Variants in NUP214 observed in about 807,000 individuals in gnomAD.
The protein encoded by NUP214 is nucleoporin 214, also known as nuclear pore complex protein Nup214.
In NUP214, 79 loss-of-function variants were observed where a neutral mutation model predicts 196.2. The observed-to-expected ratio is 0.40, with a 90% confidence interval of 0.34 to 0.49. The LOEUF (loss-of-function observed/expected upper bound fraction) is 0.49. Ranked by LOEUF, NUP214 falls within the 20% of genes least tolerant of loss-of-function variation. The pLI is 0.58. For missense variants in NUP214, 2,468 were observed against 2,539.0 expected, an observed-to-expected ratio of 0.97 and a Z score of 0.60; for synonymous variants, 1,020 against 990.5, an observed-to-expected ratio of 1.03 and a Z score of -0.56.
At chr9:131,208,200 T>C (rs1214743919) in intron 30 of NUP214, among the ~76,000 whole-genome samples, 1 of 152,230 alleles carries the variant, frequency 6.6e-6, no homozygotes, top group African/African-American at 2.4e-5. Flanking sequence ...TTCTACCATA[T>C]GACCCAGCAA....
At position 131,146,262 on chromosome 9, in the gene NUP214, A is replaced by T. The variant is rs1388929280; in HGVS notation, c.1903A>T (p.Ser635Cys). 2 of 1,614,138 alleles carry T rather than the reference A, an allele frequency of 1.2e-6. No individual in the cohort carries two copies. Among genetic ancestry groups the T allele is most frequent in the Non-Finnish European group, 8.5e-7 (1 of 1,180,012 alleles). ...SHPTPLSAPP[S>C]SVPLKSSVLP... ...CCCCACACCTCTCTCAGCACCACCT[A>T]GTTCCGTGCCATTGAAGTCCTCAGT... The change falls in exon 13 of 36, where the codon AGT (serine) becomes TGT (cysteine). Residue 635 changes from serine (S) to cysteine (C), a missense_variant. Ser to Cys is a moderately radical substitution (Grantham distance 112, BLOSUM62 -1). Around this residue, in one of 5 missense-constraint regions of NUP214, gnomAD observed 1,801 missense variants for 1,779.4 expected, o/e 1.01. Transcript: ENST00000359428. This position sits in a 1 kb window ranked among gnomAD's most constrained non-coding sequence, Gnocchi z 4.6.
chr9:131,157,927 T>C (rs942508142), intron 17 of NUP214, among the ~76,000 whole-genome samples: 2 of 152,160 alleles, frequency 1.3e-5, no homozygotes, highest in African/African-American at 4.8e-5. Flanking sequence ...ATTACAGGCA[T>C]GAGCCACTGC....
At chr9:131,165,282 T>C (rs1236565068) in intron 21 of NUP214, 14 of 150,816 alleles carry the variant, frequency 9.3e-5, no homozygotes, top group Admixed American at 9.2e-4. Flanking sequence ...TAAAAAAAAT[T>C]AAAAAGTTAA....
At chr9:131,231,048 G>A (rs535539681) in intron 34 of NUP214, among the ~76,000 whole-genome samples, 1 of 152,260 alleles carries the variant, frequency 6.6e-6, no homozygotes, top group African/African-American at 2.4e-5. Context: ...TGTGGTCCCA[G>A]CTACTCGGGA....
chr9:131,215,105 C>G, intron 30 of NUP214, 107 bp from the exon 31 acceptor site: 1 of 1,050,748 alleles, frequency 9.5e-7, no homozygotes, highest in Non-Finnish European at 1.3e-6. Flanking sequence ...ACTAATCTTG[C>G]TTTTTCCATT....
chr9:131,189,005 G>T, intron 25 of NUP214, 48 bp from the exon 26 acceptor site: 1 of 1,250,370 alleles, frequency 8.0e-7, no homozygotes, highest in Non-Finnish European at 1.2e-6. Context: ...TTGTTACAAA[G>T]AATGGTTAGT....
chr9:131,211,144 A>G (rs1340789558), intron 30 of NUP214, among the ~76,000 whole-genome samples: 1 of 152,202 alleles, frequency 6.6e-6, no homozygotes, highest in Non-Finnish European at 1.5e-5. Context: ...GGCTGTGTTC[A>G]TGGAGCCTCC....
In NUP214 at chr9:131,198,712, G is replaced by A. The variant is rs776181686; in HGVS notation, c.5218G>A (p.Ala1740Thr). The part of the protein sequence containing the change: ...SVFGQSASSA[A>T]SVFSFSQPGF... ...CTTTGGGCAGTCGGCGAGCAGTGCT[G>A]CAAGTGTCTTTTCCTTCAGTCAGCC... The change falls in exon 29 of 36, where the codon GCA becomes ACA. Residue 1740 changes from alanine to threonine, a missense_variant. By Grantham distance (58) the Ala-to-Thr change is moderately conservative. Around this residue, in one of 5 missense-constraint regions of NUP214, gnomAD observed 1,801 missense variants for 1,779.4 expected, o/e 1.01. Transcript: ENST00000359428. 1.2e-6 allele frequency: 2 copies of A among 1,614,226 alleles called. No homozygotes were observed. The highest frequency in any genetic ancestry group is 1.7e-5 in the Admixed American group (1 of 60,026).
In NUP214 at chr9:131,228,278, G is replaced by A. The variant is rs896852189; in HGVS notation, c.6021G>A (p.Thr2007=). The change falls in exon 33 of 36, where the codon ACG becomes ACA. Residue 2007 remains threonine, a synonymous_variant. Coordinates refer to ENST00000359428, the MANE Select transcript of NUP214 (RefSeq NM_005085.4). ...APAFTSPLGS[T]GGKVFGEGTA... Reference sequence around the variant, plus strand: ...CCTTTACAAGCCCTCTGGGCTCGACGGGAGGCAAAGTGTTCGGAGAGGGCA... The same window carrying A: ...CCTTTACAAGCCCTCTGGGCTCGACAGGAGGCAAAGTGTTCGGAGAGGGCA... 1.9e-6 allele frequency: 3 copies of A among 1,605,242 alleles called. No homozygotes were observed. Among genetic ancestry groups the A allele is most frequent in the Admixed American group, 3.5e-5 (2 of 57,744 alleles).
chr9:131,233,205 G>C (rs900815490), intron 35 of NUP214, among the ~76,000 whole-genome samples: 4 of 151,984 alleles, frequency 2.6e-5, no homozygotes, highest in African/African-American at 9.7e-5. Flanking sequence ...CAGGCGTGGT[G>C]GTGCATGCCT....
At chr9:131,158,238 C>T (rs1369995594) in intron 17 of NUP214, among the ~76,000 whole-genome samples, 1 of 151,776 alleles carries the variant, frequency 6.6e-6, no homozygotes, top group Non-Finnish European at 1.5e-5. Context: ...ATCACCCTGC[C>T]CAGCTAATTT....
intron 30 of NUP214, among the ~76,000 whole-genome samples, chr9:131,206,655 C>T (rs1205781543): frequency 6.6e-6 from 1 of 152,066 alleles, no homozygotes; most frequent in African/African-American, 2.4e-5. Context: ...ATTGTCTAGG[C>T]TGGTCTGTAA....
intron 4 of NUP214, among the ~76,000 whole-genome samples, chr9:131,130,144 T>TTTTTTG: frequency 9.4e-6 from 1 of 106,804 alleles, no homozygotes; most frequent in East Asian, 2.8e-4. Context: ...TTTGTTTTTT[T>TTTTTTG]TTTTTTGTTT....
chr9:131,217,882 T>C (rs1834447454), intron 31 of NUP214, among the ~76,000 whole-genome samples: 2 of 152,198 alleles, frequency 1.3e-5, no homozygotes, highest in African/African-American at 2.4e-5. Flanking sequence ...CACGGACACA[T>C]GAGAGCCAGC....
At position 131,146,313 on chromosome 9, in the gene NUP214, T is replaced by A; in HGVS notation, c.1945+9T>A. On this transcript the variant is annotated intron_variant, in intron 13 of 35. Coordinates refer to ENST00000359428, the MANE Select transcript of NUP214 (RefSeq NM_005085.4). The surrounding 1 kb of genome is among the most constrained non-coding windows in gnomAD (Gnocchi z 4.6). ...CTTGCCCTCACCATCAGGTATGATT[T>A]TAAGCAGACAACTTTAGACCTCAGC... 1 of 1,613,390 alleles carries A rather than the reference T, an allele frequency of 6.2e-7. No individual in the cohort carries two copies. The highest frequency in any genetic ancestry group is 1.3e-5 in the African/African-American group (1 of 75,046).
intron 24 of NUP214, among the ~76,000 whole-genome samples, chr9:131,179,123 A>G (rs971951001): frequency 1.3e-5 from 2 of 152,082 alleles, no homozygotes; most frequent in Admixed American, 1.3e-4. Context: ...CTGCCTCCCA[A>G]GTAGCTGCTG....
At chr9:131,205,310 A>G (rs575905446) in intron 30 of NUP214, among the ~76,000 whole-genome samples, 5 of 152,372 alleles carry the variant, frequency 3.3e-5, no homozygotes, top group African/African-American at 1.2e-4. Context: ...AAAGACAGCT[A>G]TACCCAAATT....
intron 12 of NUP214, among the ~76,000 whole-genome samples, chr9:131,145,449 A>C (rs143308679): frequency 6.6e-6 from 1 of 151,898 alleles, no homozygotes; most frequent in Non-Finnish European, 1.5e-5. Context: ...CTTTTTCCCT[A>C]CTTGCCTGTA....
intron 35 of NUP214, among the ~76,000 whole-genome samples, chr9:131,233,225 G>T (rs1834926093): frequency 6.6e-6 from 1 of 152,020 alleles, no homozygotes; most frequent in Admixed American, 6.5e-5. Flanking sequence ...TGTAATCCCA[G>T]CCACTGAGGC....
Sources: allele counts gnomAD v4.1 joint callset (sites outside exome capture counted in the v4.1 genomes callset), GRCh38; gene constraint gnomAD v4.1.1; regional missense constraint gnomAD v4.1.1; non-coding constraint Gnocchi (gnomAD v3.1); transcripts MANE v1.5; gene names NCBI Gene and HGNC (gene_info 2026-07-23, HGNC 2026-07-21).